The following FNBP1 variants were observed in gnomAD, a reference collection of about 807,000 sequenced individuals.
FNBP1 encodes the protein formin-binding protein 1.
Under a neutral mutation model 90.6 loss-of-function variants are expected in FNBP1, and 26 were observed. That is an observed-to-expected ratio of 0.29 (90% CI 0.21 to 0.40). The LOEUF is 0.40. FNBP1 is among the 10% of genes least tolerant of loss of function. The pLI is 1.00. For synonymous variants in FNBP1, 260 were observed against 265.2 expected, an observed-to-expected ratio of 0.98 and a Z score of 0.19; for missense variants, 635 against 768.0, an observed-to-expected ratio of 0.83 and a Z score of 2.05.
intron 1 of FNBP1, among the ~76,000 whole-genome samples, chr9:130,022,499 GC>G (rs1333014840): frequency 6.6e-6 from 1 of 152,214 alleles, no homozygotes; most frequent in Non-Finnish European, 1.5e-5. Flanking sequence ...AAGCCACCGT[GC>G]CCGACCTTAA....
At chr9:129,988,507 T>C (rs910566867) in intron 2 of FNBP1, among the ~76,000 whole-genome samples, 1 of 151,896 alleles carries the variant, frequency 6.6e-6, no homozygotes, top group African/African-American at 2.4e-5. Context: ...TGAAATCCTG[T>C]CTCTACTAAA....
chr9:129,893,647 G>A (rs1410281397), intron 16 of FNBP1, among the ~76,000 whole-genome samples: 13 of 84,274 alleles, frequency 1.5e-4, no homozygotes, highest in South Asian at 7.0e-4. Context: ...AGCCAGGCAC[G>A]GGCTCATGCC....
rs1441626811 is a variant in FNBP1, at chr9:129,965,775, AG to A, written c.346-7223del. 3.8e-3 allele frequency among the ~76,000 whole-genome samples: 309 copies of A among 81,086 alleles called. 4 individuals are homozygous for A. Among genetic ancestry groups the A allele is most frequent in the African/African-American group, 0.013 (295 of 22,926 alleles). The allele number at this position is 81,086 out of a possible 152,430, so 53.2% of individuals were successfully genotyped here. On this transcript the variant is annotated intron_variant, in intron 4 of 16. Transcript: ENST00000446176. Reference sequence around the variant, plus strand: ...GGAAGGAAGTGAAGGAAGGGAGGGAAGGGAGGGAAGGAGGGAGGGAGGGGGG... The same window carrying A: ...GGAAGGAAGTGAAGGAAGGGAGGGAAGGAGGGAAGGAGGGAGGGAGGGGGG...
chr9:130,007,844 C>T (rs977300605), intron 1 of FNBP1, among the ~76,000 whole-genome samples: 3 of 151,450 alleles, frequency 2.0e-5, no homozygotes, highest in East Asian at 2.0e-4. Flanking sequence ...GGCAAAACCC[C>T]GTCTCTACTA....
chr9:129,902,687 T>G (rs79919875), intron 13 of FNBP1, among the ~76,000 whole-genome samples, 182 bp downstream of exon 13: 2,893 of 152,298 alleles, frequency 0.019, 45 homozygotes, highest in Non-Finnish European at 0.031. Context: ...TAGGCTATGA[T>G]GAGTAGGAGA....
intron 16 of FNBP1, among the ~76,000 whole-genome samples, chr9:129,893,898 G>C (rs1385051885): frequency 1.5e-5 from 2 of 131,356 alleles, no homozygotes; most frequent in South Asian, 5.0e-4. Context: ...CCTGGCGACA[G>C]AGCGAGACTC....
chr9:130,005,838 G>T (rs1192027210), intron 1 of FNBP1, among the ~76,000 whole-genome samples: 1 of 152,162 alleles, frequency 6.6e-6, no homozygotes, highest in East Asian at 1.9e-4. Context: ...GGAATAGAAG[G>T]TTTATTTCAA....
chr9:129,893,332 G>C (rs939754528), intron 16 of FNBP1, among the ~76,000 whole-genome samples: 4 of 151,622 alleles, frequency 2.6e-5, no homozygotes, highest in Non-Finnish European at 1.5e-5. Flanking sequence ...GGCCTGGCAC[G>C]GTGGCTCACC....
intron 1 of FNBP1, among the ~76,000 whole-genome samples, chr9:130,009,294 C>A (rs1159482044): frequency 6.6e-6 from 1 of 152,162 alleles, no homozygotes; most frequent in Non-Finnish European, 1.5e-5. Flanking sequence ...ACCCCACTGC[C>A]ATAGTTGAGC....
intron 6 of FNBP1, among the ~76,000 whole-genome samples, chr9:129,956,622 A>C (rs1378776214): frequency 6.6e-6 from 1 of 152,206 alleles, no homozygotes; most frequent in Non-Finnish European, 1.5e-5. Flanking sequence ...CACTGTTATC[A>C]ACCAGGAGGA....
chr9:130,043,426 C>A (rs572828234), upstream of FNBP1, among the ~76,000 whole-genome samples: 5 of 152,342 alleles, frequency 3.3e-5, no homozygotes, highest in South Asian at 1.0e-3. Flanking sequence ...CTGGTAATGA[C>A]TTCTTAGTGA....
chr9:130,026,888 C>T (rs1312520393), intron 1 of FNBP1, among the ~76,000 whole-genome samples: 2 of 151,736 alleles, frequency 1.3e-5, no homozygotes, highest in Admixed American at 6.6e-5. Flanking sequence ...ATAGCTTGAG[C>T]CCAGGAGGTG....
intron 6 of FNBP1, among the ~76,000 whole-genome samples, chr9:129,943,730 C>T (rs1178291770): frequency 2.4e-4 from 37 of 151,978 alleles, no homozygotes; most frequent in Non-Finnish European, 4.0e-4. Flanking sequence ...CGGTAGCTGA[C>T]GCCTGTAATC....
intron 4 of FNBP1, among the ~76,000 whole-genome samples, chr9:129,958,973 G>A: frequency 2.8e-4 from 1 of 3,552 alleles, no homozygotes; most frequent in Admixed American, 4.3e-3. Flanking sequence ...ATGACACAGT[G>A]AAACTCTGCC....
chr9:130,052,191 C>T, the FNBP1 span, among the ~76,000 whole-genome samples: 37 of 152,246 alleles, frequency 2.4e-4, 1 homozygote, highest in Middle Eastern at 6.8e-3. Flanking sequence ...ATGACTGGCA[C>T]AATACAGCTT....
At chr9:129,958,233 A>T (rs538274676) in intron 5 of FNBP1, among the ~76,000 whole-genome samples, 4 of 152,224 alleles carry the variant, frequency 2.6e-5, no homozygotes, top group African/African-American at 9.6e-5. Flanking sequence ...GGAGTTCAAG[A>T]CCACCCTGGC....
intron 1 of FNBP1, among the ~76,000 whole-genome samples, chr9:130,007,978 A>T (rs904188265): frequency 6.9e-6 from 1 of 145,254 alleles, no homozygotes; most frequent in Non-Finnish European, 1.5e-5. Context: ...AGCTTGGGTG[A>T]CAGAGTGAGA....
chr9:129,949,364 C>T (rs1217814897), intron 6 of FNBP1, among the ~76,000 whole-genome samples: 1 of 152,148 alleles, frequency 6.6e-6, no homozygotes, highest in Admixed American at 6.6e-5. Context: ...CAAATCTGCA[C>T]TCTTGCCCAG....
intron 1 of FNBP1, among the ~76,000 whole-genome samples, chr9:129,999,136 G>GA (rs111242828): frequency 1.0e-4 from 15 of 150,718 alleles, no homozygotes; most frequent in East Asian, 5.8e-4. Context: ...AAAGTTAATG[G>GA]AAAAAAAAAT....
Sources: allele counts gnomAD v4.1 joint callset (sites outside exome capture counted in the v4.1 genomes callset), GRCh38; gene constraint gnomAD v4.1.1; transcripts MANE v1.5; gene names NCBI Gene and HGNC (gene_info 2026-07-23, HGNC 2026-07-21).